The following HIBADH variants were observed in gnomAD, a reference collection of about 807,000 sequenced individuals.
HIBADH encodes the protein 3-hydroxyisobutyrate dehydrogenase, mitochondrial.
Under a neutral mutation model 36.1 loss-of-function variants are expected in HIBADH, and 25 were observed. The observed-to-expected ratio is 0.69, with a 90% CI of 0.50 to 0.97. The LOEUF is 0.97. Among genes scored for constraint, HIBADH ranks in the 50% least tolerant of loss-of-function variants. The pLI, the probability that HIBADH is intolerant of heterozygous loss-of-function variation, is 0.00. For missense variants in HIBADH, 421 were observed against 418.0 expected, an observed-to-expected ratio of 1.01 and a Z score of -0.06; for synonymous variants, 160 against 149.5, an observed-to-expected ratio of 1.07 and a Z score of -0.51.
intron 4 of HIBADH, among the ~76,000 whole-genome samples, chr7:27,590,781 T>C (rs1258337451): frequency 1.3e-5 from 2 of 152,206 alleles, no homozygotes; most frequent in Admixed American, 6.5e-5. Context: ...GTCATAATAT[T>C]AGCAAATATT....
chr7:27,576,935 C>T (rs1021405274), intron 4 of HIBADH, among the ~76,000 whole-genome samples: 2 of 152,098 alleles, frequency 1.3e-5, no homozygotes, highest in African/African-American at 4.8e-5. Flanking sequence ...CCTATACACA[C>T]GGGACACACT....
At position 27,578,607 on chromosome 7, in the gene HIBADH, G is replaced by A. The variant is rs1429399007; in HGVS notation, c.485-35507C>T. 2.6e-5 allele frequency among the ~76,000 whole-genome samples: 4 copies of A among 151,676 alleles called. No homozygotes were observed. In the East Asian group the frequency reaches 7.7e-4, roughly 29 times the overall value. On this transcript the variant is annotated intron_variant, in intron 4 of 7. Coordinates refer to ENST00000265395, the MANE Select transcript of HIBADH (RefSeq NM_152740.4). ...GCCAGGATTACAGATGTGAGCCACCGCGCCCAGCCAAATTCTTACTTCTTA... is the reference window on the plus strand; with the variant it reads ...GCCAGGATTACAGATGTGAGCCACCACGCCCAGCCAAATTCTTACTTCTTA...
intron 4 of HIBADH, among the ~76,000 whole-genome samples, chr7:27,608,324 T>G (rs1785265832): frequency 6.6e-6 from 1 of 152,192 alleles, no homozygotes; most frequent in Admixed American, 6.5e-5. Context: ...GCTGCCATAC[T>G]TTCCTTGGAC....
At chr7:27,581,438 A>G (rs1429496431) in intron 4 of HIBADH, among the ~76,000 whole-genome samples, 1 of 152,204 alleles carries the variant, frequency 6.6e-6, no homozygotes, top group Non-Finnish European at 1.5e-5. Flanking sequence ...AGTTTTATCT[A>G]CAACAGGTAC....
intron 2 of HIBADH, among the ~76,000 whole-genome samples, chr7:27,634,656 ACCTGAGGTCT>A (rs1401560722): frequency 3.3e-5 from 5 of 152,204 alleles, no homozygotes; most frequent in Non-Finnish European, 7.3e-5. Context: ...CATCAGTAAG[ACCTGAGGTCT>A]AAGAGTTAAT....
At chr7:27,531,459 C>G (rs1316945720) in intron 6 of HIBADH, 111 bp from the exon 7 acceptor site, 1 of 966,420 alleles carries the variant, frequency 1.0e-6, no homozygotes, top group Non-Finnish European at 1.5e-6. Flanking sequence ...TATATGTCTT[C>G]TAAAATCTAA....
chr7:27,607,807 A>G (rs994291006), intron 4 of HIBADH, among the ~76,000 whole-genome samples: 4 of 152,206 alleles, frequency 2.6e-5, no homozygotes, highest in Non-Finnish European at 1.5e-5. Flanking sequence ...AGTGCATAGA[A>G]AAATACTTTT....
chr7:27,541,275 G>A (rs985452358), intron 5 of HIBADH, among the ~76,000 whole-genome samples: 4 of 151,910 alleles, frequency 2.6e-5, no homozygotes, highest in Admixed American at 1.3e-4. Flanking sequence ...AAGCTACTTC[G>A]CCTATTTCTT....
chr7:27,599,554 C>T (rs1317618773), intron 4 of HIBADH, among the ~76,000 whole-genome samples: 2 of 151,280 alleles, frequency 1.3e-5, no homozygotes, highest in Non-Finnish European at 3.0e-5. Context: ...TGGTGGCAGG[C>T]ACCTGTAGTC....
At chr7:27,613,176 T>A (rs1330777778) in intron 4 of HIBADH, among the ~76,000 whole-genome samples, 1 of 9,620 alleles carries the variant, frequency 1.0e-4, no homozygotes, top group Non-Finnish European at 1.6e-4. Flanking sequence ...TTTATATAAA[T>A]ATATTTATAT....
chr7:27,655,707 G>A (rs1463914317), intron 1 of HIBADH, among the ~76,000 whole-genome samples: 1 of 151,428 alleles, frequency 6.6e-6, no homozygotes, highest in Non-Finnish European at 1.5e-5. Context: ...ATTTTTTAAA[G>A]TAGGCAAAAA....
At chr7:27,607,081 A>C (rs1583593920) in intron 4 of HIBADH, among the ~76,000 whole-genome samples, 1 of 152,240 alleles carries the variant, frequency 6.6e-6, no homozygotes, top group Non-Finnish European at 1.5e-5. Flanking sequence ...CTAACAGAGC[A>C]AAGTGCAGGA....
intron 4 of HIBADH, among the ~76,000 whole-genome samples, chr7:27,602,738 C>CT (rs1205101552): frequency 6.6e-6 from 1 of 152,106 alleles, no homozygotes; most frequent in Non-Finnish European, 1.5e-5. Context: ...TAAGCATTCT[C>CT]TAACAATTAT....
intron 5 of HIBADH, among the ~76,000 whole-genome samples, chr7:27,540,654 T>C (rs1385183870): frequency 3.9e-5 from 6 of 152,162 alleles, no homozygotes; most frequent in Non-Finnish European, 5.9e-5. Context: ...TCTTCCACAG[T>C]GACAATCCTT....
intron 4 of HIBADH, among the ~76,000 whole-genome samples, chr7:27,613,635 G>A (rs1785372398): frequency 6.9e-6 from 1 of 144,836 alleles, no homozygotes; most frequent in African/African-American, 2.6e-5. Context: ...AATCTAGTGG[G>A]GTTTTTTGTT....
At chr7:27,587,953 A>G (rs776992283) in intron 4 of HIBADH, among the ~76,000 whole-genome samples, 62 of 152,226 alleles carry the variant, frequency 4.1e-4, no homozygotes, top group Non-Finnish European at 1.2e-4. Flanking sequence ...AGCAGTTTAG[A>G]AGAGAAAGGG....
At chr7:27,587,172 G>T (rs1027980990) in intron 4 of HIBADH, among the ~76,000 whole-genome samples, 1 of 152,210 alleles carries the variant, frequency 6.6e-6, no homozygotes, top group East Asian at 1.9e-4. Flanking sequence ...TCACCAAAAA[G>T]TACCTCATTT....
At chr7:27,645,377 T>C (rs903001672) in intron 2 of HIBADH, among the ~76,000 whole-genome samples, 1 of 125,916 alleles carries the variant, frequency 7.9e-6, no homozygotes, top group Non-Finnish European at 1.6e-5. Context: ...GATTTTTTTT[T>C]TTTTTTTTTT....
rs371411810 is a variant in HIBADH, at chr7:27,526,209, C to T, written c.*5G>A. The T allele has an allele frequency of 8.1e-5, 130 of 1,600,400 alleles. No homozygotes were observed. Among genetic ancestry groups the T allele is most frequent in the Non-Finnish European group, 1.1e-4 (124 of 1,174,028 alleles). ...CCCAACAGTGTCCGTGGCCAAAGGG[C>T]ACACTCAGAAGGTCTCCTCCTCTCG... On this transcript the variant is annotated 3_prime_UTR_variant, in exon 8 of 8. Coordinates refer to ENST00000265395, the MANE Select transcript of HIBADH (RefSeq NM_152740.4).
Sources: allele counts gnomAD v4.1 joint callset (sites outside exome capture counted in the v4.1 genomes callset), GRCh38; gene constraint gnomAD v4.1.1; transcripts MANE v1.5; gene names NCBI Gene and HGNC (gene_info 2026-07-23, HGNC 2026-07-21).